The following SLC11A2 variants were observed in gnomAD, a reference collection of about 807,000 sequenced individuals.
The protein encoded by SLC11A2 is solute carrier family 11 member 2.
In SLC11A2, 38 loss-of-function variants were observed where a neutral mutation model predicts 68.0. The ratio of observed to expected loss-of-function variants is 0.56; its 90% confidence interval spans 0.43 to 0.73. The LOEUF is 0.73. Ranked by LOEUF, SLC11A2 falls within the 30% of genes least tolerant of loss-of-function variation. The probability of loss-of-function intolerance (pLI) is 0.00; values close to 1 mark genes in which losing one functional copy is unlikely to be tolerated. For missense variants in SLC11A2, 517 were observed against 690.5 expected (o/e 0.75, Z 2.82); for synonymous variants, 242 against 250.6 (o/e 0.97, Z 0.32).
intron 8 of SLC11A2, among the ~76,000 whole-genome samples, chr12:50,998,913 G>A (rs1443514702): frequency 2.0e-5 from 3 of 151,968 alleles, no homozygotes; most frequent in Non-Finnish European, 4.4e-5. Flanking sequence ...GGTCAACTTG[G>A]GACCAAAGAA....
intron 1 of SLC11A2, among the ~76,000 whole-genome samples, chr12:51,023,434 G>A (rs1006171909): frequency 1.3e-5 from 2 of 152,052 alleles, no homozygotes; most frequent in African/African-American, 2.4e-5. Context: ...GCAAGAGAGC[G>A]AGACCCTGTC....
intron 5 of SLC11A2, among the ~76,000 whole-genome samples, chr12:51,001,860 G>A (rs544891734): frequency 9.2e-5 from 14 of 152,164 alleles, no homozygotes; most frequent in African/African-American, 3.4e-4. Flanking sequence ...CACAACAACA[G>A]AAAAGGTTGG....
downstream of SLC11A2, chr12:50,980,953 A>G (rs1427252399): frequency 6.6e-6 from 1 of 152,222 alleles, no homozygotes; most frequent in Admixed American, 6.5e-5. Flanking sequence ...AAAACTGATC[A>G]CTGGTTAAAG....
intron 14 of SLC11A2, chr12:50,991,348 C>A: frequency 1.8e-6 from 1 of 565,938 alleles, no homozygotes. Context: ...GTGCCTCAAA[C>A]TTCAGTGGCT....
chr12:50,980,408 A>G (rs1447063523), downstream of SLC11A2: 3 of 154,940 alleles, frequency 1.9e-5, no homozygotes, highest in Non-Finnish European at 4.3e-5. Context: ...AAGGAGGAGA[A>G]TCGATTAAAC....
At chr12:51,021,803 G>A (rs369764856) in intron 1 of SLC11A2, among the ~76,000 whole-genome samples, 1 of 152,080 alleles carries the variant, frequency 6.6e-6, no homozygotes, top group Non-Finnish European at 1.5e-5. Context: ...AGAAGAGGAG[G>A]GGGGAGGAAG....
At chr12:50,977,836 T>C (rs1328447253), downstream of SLC11A2, among the ~76,000 whole-genome samples, 1 of 152,064 alleles carries the variant, frequency 6.6e-6, no homozygotes. Context: ...GGGTGAAGGA[T>C]ATGAACAGAC....
the SLC11A2 span, among the ~76,000 whole-genome samples, chr12:50,956,699 C>G: frequency 6.6e-6 from 1 of 152,074 alleles, no homozygotes; most frequent in African/African-American, 2.4e-5. Context: ...TTAATACTCC[C>G]TATTCTTATT....
At chr12:50,963,369 C>CAA in the SLC11A2 span, among the ~76,000 whole-genome samples, 176 of 72,048 alleles carry the variant, frequency 2.4e-3, 1 homozygote, top group Middle Eastern at 8.3e-3. Context: ...GACTCCATCT[C>CAA]AAAAAAAAAA....
chr12:50,994,997 G>C (rs761508287), intron 10 of SLC11A2: 1 of 304,994 alleles, frequency 3.3e-6, no homozygotes, highest in Non-Finnish European at 6.3e-6. Flanking sequence ...TCCATAGACG[G>C]GAAACAAATG....
chr12:50,999,309 C>T, intron 7 of SLC11A2, 36 bp downstream of exon 7: 1 of 1,606,842 alleles, frequency 6.2e-7, no homozygotes, highest in African/African-American at 1.3e-5. Flanking sequence ...TGACAGAGAG[C>T]AGCTCCTTTG....
intron 5 of SLC11A2, among the ~76,000 whole-genome samples, chr12:51,004,156 C>A (rs1942516871): frequency 6.6e-6 from 1 of 151,944 alleles, no homozygotes; most frequent in Admixed American, 6.6e-5. Context: ...GATAAGGATA[C>A]TTTTTGCTCA....
the SLC11A2 span, chr12:50,970,488 C>T: frequency 6.5e-7 from 1 of 1,532,450 alleles, no homozygotes; most frequent in East Asian, 2.4e-5. Flanking sequence ...CACGATTCTT[C>T]AGTGAGTCCA....
At chr12:51,004,659 G>C (rs1057211939) in intron 5 of SLC11A2, 129 bp downstream of exon 5, 3 of 944,512 alleles carry the variant, frequency 3.2e-6, no homozygotes, top group Middle Eastern at 3.1e-4. Context: ...CGTTGGTACC[G>C]TCTGTCTTCA....
chr12:50,971,762 C>A, the SLC11A2 span, among the ~76,000 whole-genome samples: 1 of 152,226 alleles, frequency 6.6e-6, no homozygotes, highest in Admixed American at 6.5e-5. Context: ...CTGGTGGGTA[C>A]TTCCTTTTCC....
the SLC11A2 span, among the ~76,000 whole-genome samples, chr12:50,955,657 T>C: frequency 6.6e-6 from 1 of 152,198 alleles, no homozygotes; most frequent in Non-Finnish European, 1.5e-5. Flanking sequence ...CAAGAAAGAA[T>C]CAAATTTTAC....
In SLC11A2 at chr12:51,008,559, G is replaced by A. The variant is rs1942948032; in HGVS notation, c.100C>T (p.Pro34Ser). The A allele has an allele frequency of 6.2e-7, 1 of 1,611,700 alleles. No homozygotes were observed. Among genetic ancestry groups the A allele is most frequent in the Non-Finnish European group, 8.5e-7 (1 of 1,177,998 alleles). The change falls in exon 3 of 16, where the codon CCC becomes TCC. Residue 34 changes from proline (P) to serine (S), a missense_variant. Transcript: ENST00000262052. ...LGNINPAYSN[P>S]SLSQSPGDSE... ...TCCCCAGGGGACTGTGAAAGAGAGG[G>A]ATTACTATAGGCAGGGTTGATGTTA...
At chr12:51,027,297 C>T (rs1280893556), upstream of SLC11A2, among the ~76,000 whole-genome samples, 1 of 152,112 alleles carries the variant, frequency 6.6e-6, no homozygotes, top group Non-Finnish European at 1.5e-5. Context: ...CAAGATCGTG[C>T]CACTGCACTC....
In SLC11A2 at chr12:50,986,416, G is replaced by A. The variant is rs1459788155; in HGVS notation, c.*1909C>T. On this transcript the variant is annotated 3_prime_UTR_variant, in exon 16 of 16. Coordinates refer to ENST00000262052, the MANE Select transcript of SLC11A2 (RefSeq NM_000617.3). ...TAATATTATAAAATGCCATTTAATT[G>A]GAAGGAGTTTTCTATCATTGCAAGT... The A allele has an allele frequency of 7.8e-7, 1 of 1,282,160 alleles. No individual in the cohort carries two copies. The highest frequency in any genetic ancestry group is 1.2e-5 in the South Asian group (1 of 80,674). The allele number at this position is 1,282,160 out of a possible 1,614,324, so 79.4% of individuals were successfully genotyped here. A position where few individuals can be genotyped will look rare whatever the true frequency, so the allele number is the denominator to read the frequency against.
Sources: gnomAD v4.1 joint callset for allele counts (sites outside exome capture counted in the v4.1 genomes callset) on GRCh38, gnomAD v4.1.1 for gene constraint, MANE v1.5 for transcripts, NCBI Gene and HGNC (gene_info 2026-07-23, HGNC 2026-07-21) for gene names.